The following CDK14 variants were observed in gnomAD, a reference collection of about 807,000 sequenced individuals.
CDK14 encodes cyclin dependent kinase 14.
A neutral mutation model predicts 60.7 loss-of-function variants in CDK14; 34 were observed. The ratio of observed to expected loss-of-function variants is 0.56; its 90% CI spans 0.43 to 0.75. The LOEUF (loss-of-function observed/expected upper bound fraction) is 0.75, where lower values mean the gene tolerates loss of function less well. CDK14 is among the 30% of genes least tolerant of loss of function. The pLI, the probability that CDK14 is intolerant of heterozygous loss-of-function variation, is 0.00. For missense variants in CDK14, 482 were observed against 564.1 expected, an observed-to-expected ratio of 0.85 and a Z score of 1.47; for synonymous variants, 197 against 203.7, an observed-to-expected ratio of 0.97 and a Z score of 0.28.
At chr7:91,201,407 T>A (rs60809893) in intron 14 of CDK14, among the ~76,000 whole-genome samples, 3,543 of 152,160 alleles carry the variant, frequency 0.023, 147 homozygotes, top group African/African-American at 0.08. Flanking sequence ...AAGGAAAACC[T>A]ACAGTTGTTT....
intron 6 of CDK14, 136 bp downstream of exon 6, chr7:90,863,405 G>A (rs1791070622): frequency 3.9e-6 from 2 of 513,788 alleles, no homozygotes; most frequent in East Asian, 3.2e-5. Flanking sequence ...TTATAATTTT[G>A]TATAAAATAA....
intron 4 of CDK14, among the ~76,000 whole-genome samples, chr7:90,759,115 A>G (rs1804209330): frequency 6.6e-6 from 1 of 151,950 alleles, no homozygotes; most frequent in African/African-American, 2.4e-5. Context: ...GGGGTTTCAA[A>G]GGGAATGAAG....
chr7:91,016,329 T>G (rs1286066814), intron 10 of CDK14, among the ~76,000 whole-genome samples: 4 of 152,218 alleles, frequency 2.6e-5, no homozygotes, highest in Non-Finnish European at 5.9e-5. Context: ...TGATTTTTTG[T>G]GGCCTTTCAG....
chr7:90,822,637 T>A (rs1027580923), intron 5 of CDK14, among the ~76,000 whole-genome samples: 1 of 152,166 alleles, frequency 6.6e-6, no homozygotes, highest in African/African-American at 2.4e-5. Flanking sequence ...CTCTGACTCT[T>A]CCTGGCCAAC....
At chr7:90,935,706 T>C (rs1001459212) in intron 8 of CDK14, among the ~76,000 whole-genome samples, 1 of 152,184 alleles carries the variant, frequency 6.6e-6, no homozygotes, top group Non-Finnish European at 1.5e-5. Flanking sequence ...TTTACAATTA[T>C]AAGTAATATA....
chr7:91,130,969 T>A (rs1800098784), intron 14 of CDK14, among the ~76,000 whole-genome samples: 1 of 152,106 alleles, frequency 6.6e-6, no homozygotes, highest in African/African-American at 2.4e-5. Flanking sequence ...TTGGGTCTTT[T>A]CCCGCCGAGC....
chr7:90,636,897 T>C (rs1406824814), intron 2 of CDK14, among the ~76,000 whole-genome samples: 1 of 151,242 alleles, frequency 6.6e-6, no homozygotes, highest in Non-Finnish European at 1.5e-5. Flanking sequence ...ATCCATTTCT[T>C]CTAGATTTTC....
At chr7:90,970,324 A>G (rs1212662585) in intron 9 of CDK14, among the ~76,000 whole-genome samples, 1 of 152,214 alleles carries the variant, frequency 6.6e-6, no homozygotes, top group East Asian at 1.9e-4. Flanking sequence ...ATTAGCAATG[A>G]TGGTAGACTT....
chr7:91,056,731 C>T (rs1326904351), intron 11 of CDK14, among the ~76,000 whole-genome samples: 3 of 152,256 alleles, frequency 2.0e-5, no homozygotes, highest in East Asian at 1.9e-4. Context: ...CTACAAAGGA[C>T]GTGAACTCAT....
At chr7:90,960,802 G>A (rs1010928413) in intron 9 of CDK14, among the ~76,000 whole-genome samples, 1 of 152,020 alleles carries the variant, frequency 6.6e-6, no homozygotes, top group Non-Finnish European at 1.5e-5. Context: ...AATGTTTTAA[G>A]GTAGAGAATC....
intron 5 of CDK14, among the ~76,000 whole-genome samples, chr7:90,839,583 C>A (rs926672046): frequency 2.6e-5 from 4 of 152,092 alleles, no homozygotes; most frequent in African/African-American, 9.7e-5. Context: ...AAACAAATGG[C>A]AAATTTGTGC....
intron 3 of CDK14, among the ~76,000 whole-genome samples, chr7:90,740,143 AAC>A (rs1404721316): frequency 1.3e-5 from 2 of 151,742 alleles, no homozygotes; most frequent in Non-Finnish European, 2.9e-5. Context: ...TAAAAAAAAA[AAC>A]TTACACCCTC....
At chr7:90,752,405 C>T (rs921771891) in intron 4 of CDK14, among the ~76,000 whole-genome samples, 1 of 152,080 alleles carries the variant, frequency 6.6e-6, no homozygotes, top group African/African-American at 2.4e-5. Flanking sequence ...TAAACAACTT[C>T]CTCCTGAATA....
chr7:91,061,673 C>G (rs927047978), intron 11 of CDK14, among the ~76,000 whole-genome samples: 5 of 152,152 alleles, frequency 3.3e-5, no homozygotes, highest in Admixed American at 2.0e-4. Context: ...CACTCCAGAC[C>G]CTGTTTGCCT....
In CDK14 at chr7:91,098,623, C is replaced by T. The variant is rs368265086; in HGVS notation, c.1155-13919C>T. ...CTATATATTGCCTTTAAGAAAAGTTCCTTTTTACACTTTTCTTATTATCTT... is the reference window on the plus strand; with the variant it reads ...CTATATATTGCCTTTAAGAAAAGTTTCTTTTTACACTTTTCTTATTATCTT... On this transcript the variant is annotated intron_variant, in intron 12 of 14. Coordinates refer to ENST00000380050, the MANE Select transcript of CDK14 (RefSeq NM_001287135.2). Among the ~76,000 whole-genome samples, 8 of 151,892 alleles carry T rather than the reference C, an allele frequency of 5.3e-5. No homozygotes were observed. The East Asian group carries it at 1.4e-3, about 26-fold the overall frequency.
At position 90,804,851 on chromosome 7, in the gene CDK14, C is replaced by T. The variant is rs556068522; in HGVS notation, c.544+14199C>T. On this transcript the variant is annotated intron_variant, in intron 5 of 14. Transcript: ENST00000380050. Reference sequence around the variant, plus strand: ...ATTTAAGACATTTTTAGGAGGATTACATAAACAGTTCTAATCTGAATTCAT... The same window carrying T: ...ATTTAAGACATTTTTAGGAGGATTATATAAACAGTTCTAATCTGAATTCAT... Among the ~76,000 whole-genome samples the T allele has an allele frequency of 5.9e-5, 9 of 152,182 alleles. No homozygotes were observed. In the South Asian group the frequency reaches 1.2e-3, roughly 21 times the overall value.
chr7:90,639,761 T>C (rs1029795009), intron 2 of CDK14, among the ~76,000 whole-genome samples: 1 of 151,690 alleles, frequency 6.6e-6, no homozygotes, highest in Non-Finnish European at 1.5e-5. Flanking sequence ...TTGAGCTGTG[T>C]TGGGCTCCAC....
intron 5 of CDK14, among the ~76,000 whole-genome samples, chr7:90,816,392 T>C (rs1365211036): frequency 6.6e-6 from 1 of 152,242 alleles, no homozygotes; most frequent in Non-Finnish European, 1.5e-5. Flanking sequence ...TTCACTGTTA[T>C]TCTACTAAAA....
At chr7:91,041,390 C>T (rs1343831741) in intron 10 of CDK14, among the ~76,000 whole-genome samples, 1 of 152,074 alleles carries the variant, frequency 6.6e-6, no homozygotes, top group Non-Finnish European at 1.5e-5. Flanking sequence ...TTCCAGCTGC[C>T]CAATCTTGAC....
Sources: allele counts gnomAD v4.1 joint callset (sites outside exome capture counted in the v4.1 genomes callset), GRCh38; gene constraint gnomAD v4.1.1; transcripts MANE v1.5; gene names NCBI Gene and HGNC (gene_info 2026-07-23, HGNC 2026-07-21).